The following PCDHA4 variants were observed in gnomAD, a reference collection of about 807,000 sequenced individuals.
PCDHA4 encodes the protein protocadherin alpha 4.
In PCDHA4, 49 loss-of-function variants were observed where a neutral mutation model predicts 61.4. The observed-to-expected ratio is 0.80, with a 90% CI of 0.63 to 1.01. The LOEUF (loss-of-function observed/expected upper bound fraction) is 1.01. PCDHA4 is among the 50% of genes least tolerant of loss of function. The probability of loss-of-function intolerance (pLI) is 0.00; values close to 1 mark genes in which losing one functional copy is unlikely to be tolerated. For synonymous variants in PCDHA4, 590 were observed against 550.3 expected, an observed-to-expected ratio of 1.07 and a Z score of -1.01; for missense variants, 1,254 against 1,235.8, an observed-to-expected ratio of 1.01 and a Z score of -0.22.
At chr5:140,976,241 T>C (rs1170027788) in intron 1 of PCDHA4, among the ~76,000 whole-genome samples, 3 of 152,144 alleles carry the variant, frequency 2.0e-5, no homozygotes, top group African/African-American at 4.8e-5. Context: ...TGTCATTTCA[T>C]GTAAATTTAT....
At chr5:140,921,165 A>T (rs959305878) in intron 1 of PCDHA4, among the ~76,000 whole-genome samples, 1 of 151,798 alleles carries the variant, frequency 6.6e-6, no homozygotes, top group Non-Finnish European at 1.5e-5. Flanking sequence ...TTTTTTTAAC[A>T]CACATAAAGC....
chr5:140,870,546 G>T, intron 1 of PCDHA4: 1 of 1,614,086 alleles, frequency 6.2e-7, no homozygotes, highest in Non-Finnish European at 8.5e-7. Flanking sequence ...CGCGGGACGC[G>T]GACGCGCAGG....
Position 140,883,205 on chromosome 5 carries a change from A to G in PCDHA4, c.2385+73633A>G, listed in dbSNP as rs1402031440. 5 of 1,613,918 alleles carry G rather than the reference A, an allele frequency of 3.1e-6. No individual in the cohort carries two copies. In the African/African-American group the frequency reaches 6.7e-5, roughly 22 times the overall value. On this transcript the variant is annotated intron_variant, in intron 1 of 3. Transcript: ENST00000530339. Reference sequence around the variant, plus strand: ...AAAAGGCAAACTAGATTTCGAAGAAAAGAAATTATATGAAATATCCGTGGA... The same window carrying G: ...AAAAGGCAAACTAGATTTCGAAGAAGAGAAATTATATGAAATATCCGTGGA...
At chr5:140,942,422 G>C (rs1445298712) in intron 1 of PCDHA4, among the ~76,000 whole-genome samples, 3 of 150,866 alleles carry the variant, frequency 2.0e-5, no homozygotes, top group Non-Finnish European at 4.4e-5. Context: ...AAAAAAAAAA[G>C]ATATCTAACA....
intron 3 of PCDHA4, among the ~76,000 whole-genome samples, chr5:141,007,362 G>A (rs1554261189): frequency 6.8e-6 from 1 of 146,590 alleles, no homozygotes; most frequent in Non-Finnish European, 1.5e-5. Context: ...ACCAGCCTGG[G>A]CAACATGATG....
At chr5:140,976,286 C>G (rs1554237455) in intron 1 of PCDHA4, among the ~76,000 whole-genome samples, 2 of 152,098 alleles carry the variant, frequency 1.3e-5, no homozygotes, top group African/African-American at 2.4e-5. Flanking sequence ...CACAGTGGCT[C>G]AAGCCTGTAA....
At chr5:140,927,201 C>T (rs1330352185) in intron 1 of PCDHA4, 7 of 1,614,032 alleles carry the variant, frequency 4.3e-6, no homozygotes, top group Non-Finnish European at 5.1e-6. Flanking sequence ...TGCTCGAGGA[C>T]CCGCTGGAGC....
Position 140,835,022 on chromosome 5 carries a change from G to A in PCDHA4, c.2385+25450G>A. ...CTCCGGAGCTTCATTTATTGCTCACGGCCACCGATGGAGGCAAACCCGAGC... is the reference window on the plus strand; with the variant it reads ...CTCCGGAGCTTCATTTATTGCTCACAGCCACCGATGGAGGCAAACCCGAGC... On this transcript the variant is annotated intron_variant, in intron 1 of 3. Coordinates refer to ENST00000530339, the MANE Select transcript of PCDHA4 (RefSeq NM_018907.4). 3 of 1,341,264 alleles carry A rather than the reference G, an allele frequency of 2.2e-6. No individual in the cohort carries two copies. The South Asian group carries it at 4.2e-5, about 19-fold the overall frequency. 83.1% of individuals were successfully genotyped at this position (1,341,264 alleles called of 1,614,324 possible). A position where few individuals can be genotyped will look rare whatever the true frequency, so the allele number is the denominator to read the frequency against.
rs2126647218 is a variant in PCDHA4 at position 140,813,524 on chromosome 5, A to T, written c.2385+3952A>T. ...CAGTAAAAACATTGTACAGATTTTT[A>T]AAATGGTACACCTGAATAGGGTACT... On this transcript the variant is annotated intron_variant, in intron 1 of 3. Coordinates refer to ENST00000530339, the MANE Select transcript of PCDHA4 (RefSeq NM_018907.4). The T allele has an allele frequency of 4.6e-5, 7 of 152,318 alleles. No individual in the cohort carries two copies. In the East Asian group the frequency reaches 7.7e-4, roughly 17 times the overall value. The allele number at this position is 152,318 out of a possible 1,614,324, so 9.4% of individuals were successfully genotyped here.
At chr5:140,949,816 A>G (rs1223140568) in intron 1 of PCDHA4, among the ~76,000 whole-genome samples, 2 of 151,532 alleles carry the variant, frequency 1.3e-5, no homozygotes, top group African/African-American at 4.8e-5. Context: ...TTTGCTTTCT[A>G]TTTGTCCCCT....
In PCDHA4 at chr5:140,822,165, CA is replaced by C. The variant is rs1194001940; in HGVS notation, c.2385+12594del. ...TGAAGGACATCAATGACAATCCGCC[CA>C]GGTTCTCCAGACAAGAACAAAGATT... On this transcript the variant is annotated intron_variant, in intron 1 of 3. Coordinates refer to ENST00000530339, the MANE Select transcript of PCDHA4 (RefSeq NM_018907.4). The C allele has an allele frequency of 2.5e-6, 4 of 1,614,120 alleles. No individual in the cohort carries two copies. The African/African-American group carries it at 5.3e-5, about 22-fold the overall frequency.
chr5:140,877,516 G>A, intron 1 of PCDHA4: 1 of 1,613,816 alleles, frequency 6.2e-7, no homozygotes, highest in Non-Finnish European at 8.5e-7. Flanking sequence ...GTCGTCGCGG[G>A]CCTCAGTGGG....
intron 1 of PCDHA4, chr5:140,857,752 C>A: frequency 6.3e-7 from 1 of 1,597,166 alleles, no homozygotes; most frequent in Non-Finnish European, 8.6e-7. Flanking sequence ...TGGCGTCTCC[C>A]GCTGGCAGCG....
rs189155751 is a variant in PCDHA4 at position 140,943,432 on chromosome 5, T to C, written c.2386-35517T>C. 2.8e-3 allele frequency among the ~76,000 whole-genome samples: 419 copies of C among 152,174 alleles called. 2 individuals carry two copies. The highest frequency in any genetic ancestry group is 0.014 in the Middle Eastern group (4 of 294). Reference sequence around the variant, plus strand: ...ACTAGAGGCAAGGGCTTTAATATGATATAAAGGATAGAATTGATAAGGCTA... The same window carrying C: ...ACTAGAGGCAAGGGCTTTAATATGACATAAAGGATAGAATTGATAAGGCTA... On this transcript the variant is annotated intron_variant, in intron 1 of 3. Coordinates refer to ENST00000530339, the MANE Select transcript of PCDHA4 (RefSeq NM_018907.4).
intron 1 of PCDHA4, among the ~76,000 whole-genome samples, chr5:140,962,725 T>C (rs536695569): frequency 3.2e-4 from 48 of 152,210 alleles, no homozygotes; most frequent in Non-Finnish European, 5.9e-4. Flanking sequence ...AGTATTTTCC[T>C]TCTGGGGATG....
chr5:140,857,695 G>T (rs2044799008), intron 1 of PCDHA4: 1 of 1,597,116 alleles, frequency 6.3e-7, no homozygotes, highest in South Asian at 1.1e-5. Context: ...GCAACTTGAC[G>T]CTGCAGGTGT....
chr5:140,967,367 C>A (rs1390450808), intron 1 of PCDHA4: 1 of 1,607,250 alleles, frequency 6.2e-7, no homozygotes, highest in Non-Finnish European at 8.5e-7. Flanking sequence ...TAAGCCCCTG[C>A]AGGAGAACAG....
At chr5:140,927,157 G>T (rs868936673) in intron 1 of PCDHA4, 1 of 1,614,146 alleles carries the variant, frequency 6.2e-7, no homozygotes, top group Admixed American at 1.7e-5. Flanking sequence ...GCTGTGCAGG[G>T]CCAAAGCTGC....
intron 1 of PCDHA4, chr5:140,830,275 C>T: frequency 6.2e-7 from 1 of 1,613,816 alleles, no homozygotes; most frequent in Non-Finnish European, 8.5e-7. Context: ...CGCCACCCAC[C>T]GAGGGCGCGT....
Sources: allele counts gnomAD v4.1 joint callset (sites outside exome capture counted in the v4.1 genomes callset), GRCh38; gene constraint gnomAD v4.1.1; transcripts MANE v1.5; gene names NCBI Gene and HGNC (gene_info 2026-07-23, HGNC 2026-07-21).